The following SFMBT1 variants were observed in gnomAD, a reference collection of about 807,000 sequenced individuals.
SFMBT1 encodes Scm like with four mbt domains 1, also known as scm-like with four MBT domains protein 1.
A neutral mutation model predicts 108.7 loss-of-function variants in SFMBT1; 32 were observed. The ratio of observed to expected loss-of-function variants is 0.29; its 90% CI spans 0.22 to 0.40. The LOEUF is 0.40. Among genes scored for constraint, SFMBT1 ranks in the 10% least tolerant of loss-of-function variants. The pLI, the probability that SFMBT1 is intolerant of heterozygous loss-of-function variation, is 1.00. For synonymous variants in SFMBT1, 348 were observed against 369.5 expected (o/e 0.94, Z 0.67); for missense variants, 816 against 1,059.6 (o/e 0.77, Z 3.19).
In SFMBT1 at chr3:52,998,751, C is replaced by T. The variant is rs182466177; in HGVS notation, c.-130-29493G>A. On this transcript the variant is annotated intron_variant, in intron 1 of 20. Coordinates refer to ENST00000394752, the MANE Select transcript of SFMBT1 (RefSeq NM_016329.4). ...GATCTCCCGGGTCCTGTGGGCGTAT[C>T]AACAGGGGGCCAGCCCTGTCCCTCA... Among the ~76,000 whole-genome samples, 1,894 of 150,798 alleles carry T rather than the reference C, an allele frequency of 0.013. 218 individuals carry two copies. The South Asian group carries it at 0.18, about 14-fold the overall frequency.
At chr3:53,003,730 T>A (rs1698637509) in intron 1 of SFMBT1, among the ~76,000 whole-genome samples, 1 of 139,990 alleles carries the variant, frequency 7.1e-6, no homozygotes, top group Non-Finnish European at 1.6e-5. Flanking sequence ...CTGAAGAAAC[T>A]GCTGCATTTG....
At chr3:52,980,919 T>C (rs547128808) in intron 1 of SFMBT1, among the ~76,000 whole-genome samples, 28 of 152,184 alleles carry the variant, frequency 1.8e-4, no homozygotes, top group Admixed American at 5.9e-4. Context: ...TCCCAGCACT[T>C]TGGGAGGCCG....
At chr3:52,943,155 C>G (rs73839723) in intron 4 of SFMBT1, among the ~76,000 whole-genome samples, 198 bp downstream of exon 4, 1,955 of 152,256 alleles carry the variant, frequency 0.013, 44 homozygotes, top group African/African-American at 0.045. Context: ...AAACCTGAGG[C>G]TTTATGTAGC....
At chr3:52,948,940 G>T (rs1008495487) in intron 3 of SFMBT1, among the ~76,000 whole-genome samples, 3 of 143,514 alleles carry the variant, frequency 2.1e-5, no homozygotes, top group African/African-American at 7.8e-5. Context: ...TGGGATTACA[G>T]GTGTGAGCCA....
rs544337378 is a variant in SFMBT1 at position 52,916,219 on chromosome 3, G to A, written c.1416-5C>T. Reference sequence around the variant, plus strand: ...ACAGTCCTCGAGGATGGTACTCTGGGTCAAGAAAACACAGTAAAATAGTGA... The same window carrying A: ...ACAGTCCTCGAGGATGGTACTCTGGATCAAGAAAACACAGTAAAATAGTGA... On this transcript the variant is annotated splice_region_variant and splice_polypyrimidine_tract_variant and intron_variant, in intron 13 of 20. Transcript: ENST00000394752. The A allele has an allele frequency of 6.2e-7, 1 of 1,613,250 alleles. No homozygotes were observed. Among genetic ancestry groups the A allele is most frequent in the East Asian group, 2.2e-5 (1 of 44,874 alleles).
At chr3:53,001,921 TCTCTCACA>T (rs1698564525) in intron 1 of SFMBT1, among the ~76,000 whole-genome samples, 2 of 64,704 alleles carry the variant, frequency 3.1e-5, no homozygotes, top group African/African-American at 1.1e-4. Flanking sequence ...CAAGACCCAG[TCTCTCACA>T]CACACACACA....
At chr3:52,998,192 G>A (rs559961278) in intron 1 of SFMBT1, among the ~76,000 whole-genome samples, 1 of 150,078 alleles carries the variant, frequency 6.7e-6, no homozygotes, top group Non-Finnish European at 1.5e-5. Context: ...AAGACGGGCA[G>A]ATCACGAGGC....
At chr3:53,009,646 T>C (rs980040086) in intron 1 of SFMBT1, among the ~76,000 whole-genome samples, 27 of 152,256 alleles carry the variant, frequency 1.8e-4, no homozygotes, top group African/African-American at 6.5e-4. Flanking sequence ...GGCGTCAGGA[T>C]TACCAACTGC....
intron 2 of SFMBT1, among the ~76,000 whole-genome samples, chr3:52,961,974 G>A (rs905457067): frequency 1.3e-5 from 2 of 152,196 alleles, no homozygotes; most frequent in African/African-American, 4.8e-5. Context: ...ATGAGATGAT[G>A]AGCAAGATAT....
At chr3:53,007,326 C>A (rs555608407) in intron 1 of SFMBT1, among the ~76,000 whole-genome samples, 20 of 152,306 alleles carry the variant, frequency 1.3e-4, no homozygotes, top group African/African-American at 4.8e-4. Context: ...GCCACCTTCA[C>A]CGTTGTATCA....
chr3:53,015,083 G>A (rs1175247683), intron 1 of SFMBT1, among the ~76,000 whole-genome samples: 2 of 151,984 alleles, frequency 1.3e-5, no homozygotes, highest in South Asian at 4.2e-4. Context: ...GGTGGTGTAC[G>A]CCTGTAGTCA....
Position 52,907,272 on chromosome 3 carries a change from C to T in SFMBT1, c.2128G>A (p.Asp710Asn). ...EDEDDPDEGD[D>N]DSLSEGSTSE... ...GTACTGCCTTCACTTAGGGAATCATCATCCCCTTCATCTGGGTCATCCTCA... is the reference window on the plus strand; with the variant it reads ...GTACTGCCTTCACTTAGGGAATCATTATCCCCTTCATCTGGGTCATCCTCA... Residue 710 changes from aspartate to asparagine, a missense_variant, in exon 19 of 21, where the codon GAT becomes AAT. Physicochemically the swap from Asp to Asn is conservative, Grantham distance 23 (BLOSUM62 1). Coordinates refer to ENST00000394752, the MANE Select transcript of SFMBT1 (RefSeq NM_016329.4). The T allele has an allele frequency of 1.2e-6, 2 of 1,613,982 alleles. No homozygotes were observed. Among genetic ancestry groups the T allele is most frequent in the Non-Finnish European group, 1.7e-6 (2 of 1,180,004 alleles).
intron 1 of SFMBT1, among the ~76,000 whole-genome samples, chr3:52,992,126 C>T (rs1005901402): frequency 6.6e-6 from 1 of 152,220 alleles, no homozygotes; most frequent in Admixed American, 6.5e-5. Context: ...CTGCCCATTG[C>T]TGTTGCCCAC....
intron 1 of SFMBT1, among the ~76,000 whole-genome samples, chr3:53,008,307 A>G (rs1182171147): frequency 6.6e-6 from 1 of 152,208 alleles, no homozygotes; most frequent in Non-Finnish European, 1.5e-5. Flanking sequence ...GACAACTCCA[A>G]CGGTTCTGGA....
At chr3:52,945,762 G>A (rs755900255) in intron 3 of SFMBT1, among the ~76,000 whole-genome samples, 4 of 149,034 alleles carry the variant, frequency 2.7e-5, no homozygotes. Context: ...AGCCGAGATC[G>A]CACCACGGCA....
intron 9 of SFMBT1, among the ~76,000 whole-genome samples, chr3:52,927,891 T>G (rs572853070): frequency 2.0e-5 from 3 of 152,232 alleles, no homozygotes; most frequent in East Asian, 3.9e-4. Context: ...TAAAAGGGAC[T>G]AAGGAGCCAG....
At chr3:52,973,376 G>A (rs968578954) in intron 1 of SFMBT1, among the ~76,000 whole-genome samples, 1 of 152,086 alleles carries the variant, frequency 6.6e-6, no homozygotes, top group African/African-American at 2.4e-5. Context: ...GAAGCTTGGA[G>A]AAATTTTAAA....
intron 2 of SFMBT1, among the ~76,000 whole-genome samples, chr3:52,961,230 A>C (rs184165703): frequency 9.8e-5 from 15 of 152,352 alleles, no homozygotes; most frequent in African/African-American, 3.4e-4. Flanking sequence ...GGATACCTAC[A>C]GTAGTCAAAT....
chr3:52,992,044 AT>A (rs34036853), intron 1 of SFMBT1, among the ~76,000 whole-genome samples: 52,910 of 152,000 alleles, frequency 0.35, 10,244 homozygotes, highest in East Asian at 0.54. Flanking sequence ...ACCTTCTAGG[AT>A]AATCTATTCC....
Sources: allele counts gnomAD v4.1 joint callset (sites outside exome capture counted in the v4.1 genomes callset), GRCh38; gene constraint gnomAD v4.1.1; transcripts MANE v1.5; gene names NCBI Gene and HGNC (gene_info 2026-07-23, HGNC 2026-07-21).